The following CSNK2A2IP variants were observed in gnomAD, a reference collection of about 807,000 sequenced individuals.
The protein encoded by CSNK2A2IP is casein kinase 2 subunit alpha' interacting protein.
chr3:88,410,840 T>C, the CSNK2A2IP span, among the ~76,000 whole-genome samples: 1 of 152,006 alleles, frequency 6.6e-6, no homozygotes, highest in Non-Finnish European at 1.5e-5. Context: ...CCAAAATTAC[T>C]CTTTAAAGTA....
the CSNK2A2IP span, among the ~76,000 whole-genome samples, chr3:88,447,449 C>G: frequency 6.6e-6 from 1 of 151,862 alleles, no homozygotes; most frequent in Non-Finnish European, 1.5e-5. Flanking sequence ...AAAAATAATT[C>G]TAACTGTAGA....
At chr3:88,419,271 C>A in the CSNK2A2IP span, among the ~76,000 whole-genome samples, 1 of 152,168 alleles carries the variant, frequency 6.6e-6, no homozygotes, top group East Asian at 1.9e-4. Context: ...CAAAACTTGT[C>A]CCTGGTGCCA....
the CSNK2A2IP span, among the ~76,000 whole-genome samples, chr3:88,431,672 G>T: frequency 6.6e-6 from 1 of 152,106 alleles, no homozygotes; most frequent in Non-Finnish European, 1.5e-5. Context: ...AAAGTTAGAA[G>T]CCATTACATA....
At chr3:88,438,279 G>A in the CSNK2A2IP span, among the ~76,000 whole-genome samples, 11 of 152,102 alleles carry the variant, frequency 7.2e-5, no homozygotes, top group Admixed American at 5.2e-4. Flanking sequence ...TTAAAGTATG[G>A]TGGTTTGGTA....
the CSNK2A2IP span, among the ~76,000 whole-genome samples, chr3:88,372,478 A>T: frequency 6.6e-6 from 1 of 151,540 alleles, no homozygotes; most frequent in Non-Finnish European, 1.5e-5. Context: ...TCATTAAAAA[A>T]CGTAAAGAAA....
chr3:88,345,025 A>G, the CSNK2A2IP span, among the ~76,000 whole-genome samples: 1 of 151,998 alleles, frequency 6.6e-6, no homozygotes, highest in Non-Finnish European at 1.5e-5. Context: ...CTGATTAATT[A>G]TATTTTGGCT....
chr3:88,440,926 C>CA, the CSNK2A2IP span, among the ~76,000 whole-genome samples: 11 of 151,718 alleles, frequency 7.3e-5, no homozygotes, highest in African/African-American at 2.7e-4. Flanking sequence ...ATTAGAATTT[C>CA]AAAAAAGAGG....
the CSNK2A2IP span, among the ~76,000 whole-genome samples, chr3:88,437,206 T>C: frequency 6.6e-6 from 1 of 152,200 alleles, no homozygotes; most frequent in South Asian, 2.1e-4. Context: ...TTTACAGTAG[T>C]GTCTGACTAA....
the CSNK2A2IP span, among the ~76,000 whole-genome samples, chr3:88,455,710 G>A: frequency 6.6e-6 from 1 of 151,792 alleles, no homozygotes. Context: ...GTTTGCTGTA[G>A]TCCTACTTAT....
chr3:88,423,737 G>A, the CSNK2A2IP span, among the ~76,000 whole-genome samples: 458 of 152,214 alleles, frequency 3.0e-3, 2 homozygotes, highest in African/African-American at 7.9e-3. Flanking sequence ...ATTTAAAAAA[G>A]GTGGCAGTTT....
the CSNK2A2IP span, among the ~76,000 whole-genome samples, chr3:88,392,420 G>C: frequency 1.3e-5 from 2 of 152,146 alleles, no homozygotes; most frequent in Non-Finnish European, 2.9e-5. Context: ...AGAAGACAAG[G>C]AGATGTAGGA....
the CSNK2A2IP span, among the ~76,000 whole-genome samples, chr3:88,444,317 C>T: frequency 4.6e-5 from 7 of 152,022 alleles, no homozygotes; most frequent in East Asian, 3.9e-4. Context: ...CCTAACCTAG[C>T]GAAAATTTAG....
At chr3:88,381,127 G>A in the CSNK2A2IP span, among the ~76,000 whole-genome samples, 1 of 152,188 alleles carries the variant, frequency 6.6e-6, no homozygotes, top group Admixed American at 6.5e-5. Context: ...TGCCAAGTTA[G>A]GGCTGGGATC....
the CSNK2A2IP span, among the ~76,000 whole-genome samples, chr3:88,361,738 G>A: frequency 6.6e-6 from 1 of 151,912 alleles, no homozygotes; most frequent in Non-Finnish European, 1.5e-5. Context: ...TACCTCCTCT[G>A]TTAGGCCAAT....
the CSNK2A2IP span, among the ~76,000 whole-genome samples, chr3:88,357,208 C>G: frequency 1.3e-5 from 2 of 151,946 alleles, no homozygotes; most frequent in African/African-American, 4.8e-5. Context: ...GAATGTTTCT[C>G]CAATGTTTTC....
the CSNK2A2IP span, among the ~76,000 whole-genome samples, chr3:88,434,533 A>G: frequency 6.6e-6 from 1 of 152,042 alleles, no homozygotes; most frequent in Non-Finnish European, 1.5e-5. Context: ...CCAAAACCAA[A>G]AACAAACAAC....
the CSNK2A2IP span, among the ~76,000 whole-genome samples, chr3:88,417,841 AT>A: frequency 6.6e-6 from 1 of 152,194 alleles, no homozygotes; most frequent in Admixed American, 6.5e-5. Flanking sequence ...ACTATGTGAT[AT>A]TTTGACTTGA....
chr3:88,456,733 G>T, the CSNK2A2IP span, among the ~76,000 whole-genome samples: 1 of 146,790 alleles, frequency 6.8e-6, no homozygotes, highest in Non-Finnish European at 1.5e-5. Flanking sequence ...CCAATGAATT[G>T]CTTATACACT....
the CSNK2A2IP span, among the ~76,000 whole-genome samples, chr3:88,355,541 T>G: frequency 6.6e-6 from 1 of 152,224 alleles, no homozygotes; most frequent in Non-Finnish European, 1.5e-5. Flanking sequence ...TACAGACTTC[T>G]GTACATTTTC....
Sources: allele counts gnomAD v4.1 joint callset (sites outside exome capture counted in the v4.1 genomes callset), GRCh38; gene constraint gnomAD v4.1.1; transcripts MANE v1.5; gene names NCBI Gene and HGNC (gene_info 2026-07-23, HGNC 2026-07-21).